The following RBFOX1 variants were observed in gnomAD, a reference collection of about 807,000 sequenced individuals.
The protein encoded by RBFOX1 is RNA binding protein fox-1 homolog 1.
A neutral mutation model predicts 57.7 loss-of-function variants in RBFOX1; 8 were observed. That is an observed-to-expected ratio of 0.14 (90% CI 0.08 to 0.25). The LOEUF is 0.25. Ranked by LOEUF, RBFOX1 falls within the 10% of genes least tolerant of loss-of-function variation. The pLI, the probability that RBFOX1 is intolerant of heterozygous loss-of-function variation, is 1.00. For missense variants in RBFOX1, 611 were observed against 548.5 expected (o/e 1.11, Z -1.14); for synonymous variants, 326 against 222.4 (o/e 1.47, Z -4.15).
intron 4 of RBFOX1, among the ~76,000 whole-genome samples, chr16:5,997,254 G>A (rs1437320411): frequency 6.6e-6 from 1 of 152,248 alleles, no homozygotes; most frequent in African/African-American, 2.4e-5. Context: ...AGAACAGAAT[G>A]AAGATGTTGG....
intron 2 of RBFOX1, among the ~76,000 whole-genome samples, chr16:5,554,867 G>T (rs1368581835): frequency 6.6e-6 from 1 of 152,150 alleles, no homozygotes; most frequent in African/African-American, 2.4e-5. Context: ...TGTCTCCAAT[G>T]TCACGGGCAG....
intron 3 of RBFOX1, among the ~76,000 whole-genome samples, chr16:5,855,291 C>T (rs2056996536): frequency 6.6e-6 from 1 of 152,160 alleles, no homozygotes; most frequent in Non-Finnish European, 1.5e-5. Flanking sequence ...TTAAAAAATT[C>T]ACTACGCAGA....
chr16:7,298,025 G>T (rs923522574), intron 4 of RBFOX1, among the ~76,000 whole-genome samples: 2 of 151,924 alleles, frequency 1.3e-5, no homozygotes, highest in Admixed American at 6.6e-5. Flanking sequence ...TGTTTGTTTT[G>T]GTTTGATTTT....
At chr16:6,806,233 G>C (rs920465654) in intron 3 of RBFOX1, among the ~76,000 whole-genome samples, 1 of 152,172 alleles carries the variant, frequency 6.6e-6, no homozygotes, top group Non-Finnish European at 1.5e-5. Flanking sequence ...TCTATAGCCA[G>C]TATTTGTTTT....
At chr16:6,741,714 T>G (rs2072201336) in intron 3 of RBFOX1, among the ~76,000 whole-genome samples, 1 of 151,970 alleles carries the variant, frequency 6.6e-6, no homozygotes, top group African/African-American at 2.4e-5. Flanking sequence ...ACAATCCTGT[T>G]AAGATATTGG....
chr16:5,591,016 A>G (rs955827710), intron 2 of RBFOX1, among the ~76,000 whole-genome samples: 1 of 141,058 alleles, frequency 7.1e-6, no homozygotes, highest in African/African-American at 2.6e-5. Context: ...TGAGCTAAAC[A>G]TTTTTTTTTT....
chr16:7,579,671 T>TTCTTCCC lies in RBFOX1; in HGVS notation c.271-105_271-104insCTTCCCT, dbSNP rs1225028740. ...GTCAGCATTTTCTTCCCTTCTCAGATTGCTTAGTTCTGATCTTTTCCTGCC... is the reference window on the plus strand; with the variant it reads ...GTCAGCATTTTCTTCCCTTCTCAGATTCTTCCCTGCTTAGTTCTGATCTTTTCCTGCC... On this transcript the variant is annotated intron_variant, in intron 5 of 15. Coordinates refer to ENST00000550418, the MANE Select transcript of RBFOX1 (RefSeq NM_018723.4). 5 of 1,371,318 alleles carry TTCTTCCC rather than the reference T, an allele frequency of 3.6e-6. No homozygotes were observed. In the African/African-American group the frequency reaches 7.3e-5, roughly 20 times the overall value. 84.9% of individuals were successfully genotyped at this position (1,371,318 alleles called of 1,614,324 possible).
At chr16:6,454,169 C>A (rs987170945) in intron 2 of RBFOX1, among the ~76,000 whole-genome samples, 1 of 152,188 alleles carries the variant, frequency 6.6e-6, no homozygotes, top group African/African-American at 2.4e-5. Context: ...GACCTTCTTT[C>A]CAAATACACA....
intron 2 of RBFOX1, among the ~76,000 whole-genome samples, chr16:6,555,849 G>A (rs908217412): frequency 5.3e-5 from 8 of 152,280 alleles, no homozygotes; most frequent in Non-Finnish European, 1.2e-4. Flanking sequence ...TGAAATGCAC[G>A]TGACTAGCAC....
At chr16:5,498,188 G>T (rs1271067309) in intron 2 of RBFOX1, among the ~76,000 whole-genome samples, 1 of 152,158 alleles carries the variant, frequency 6.6e-6, no homozygotes, top group Non-Finnish European at 1.5e-5. Flanking sequence ...TGTTGCCCAG[G>T]CTGGAGTGCA....
chr16:6,605,928 C>T (rs950992401), intron 2 of RBFOX1, among the ~76,000 whole-genome samples: 30 of 152,002 alleles, frequency 2.0e-4, no homozygotes, highest in African/African-American at 6.8e-4. Context: ...GGTGAAACCT[C>T]GTCTCTACTA....
In RBFOX1 at chr16:5,996,163, G is replaced by A. The variant is rs749246250; in HGVS notation, c.351+128828G>A. On this transcript the variant is annotated intron_variant, in intron 4 of 19. Coordinates refer to the RBFOX1 transcript ENST00000641259. Reference sequence around the variant, plus strand: ...GGATTTCACCATATTAATTTTGGGGGCACATAAACATTCAGACCATAACAG... The same window carrying A: ...GGATTTCACCATATTAATTTTGGGGACACATAAACATTCAGACCATAACAG... Among the ~76,000 whole-genome samples, 20 of 152,102 alleles carry A rather than the reference G, an allele frequency of 1.3e-4. 1 individual carries two copies. The highest frequency in any genetic ancestry group is 3.9e-4 in the Admixed American group (6 of 15,256).
chr16:5,352,147 G>C (rs2065275519), intron 1 of RBFOX1, among the ~76,000 whole-genome samples: 2 of 152,080 alleles, frequency 1.3e-5, no homozygotes, highest in Non-Finnish European at 2.9e-5. Flanking sequence ...AGTATGGTCT[G>C]TTTGATCTTT....
At chr16:6,975,139 G>T (rs934470119) in intron 3 of RBFOX1, among the ~76,000 whole-genome samples, 1 of 152,170 alleles carries the variant, frequency 6.6e-6, no homozygotes, top group African/African-American at 2.4e-5. Flanking sequence ...TTCACTCTGT[G>T]CAGATCCTGG....
chr16:7,473,185 C>G (rs2061912728), intron 4 of RBFOX1, among the ~76,000 whole-genome samples: 1 of 151,976 alleles, frequency 6.6e-6, no homozygotes, highest in Admixed American at 6.6e-5. Context: ...TTGAGACCAG[C>G]CTGGGAGCAT....
chr16:6,734,001 C>T (rs1351861565), intron 3 of RBFOX1, among the ~76,000 whole-genome samples: 4 of 152,138 alleles, frequency 2.6e-5, no homozygotes, highest in African/African-American at 9.7e-5. Flanking sequence ...AGTGTTCAGT[C>T]CCTGCCACAT....
chr16:7,025,592 C>G (rs771126749), intron 3 of RBFOX1, among the ~76,000 whole-genome samples: 1 of 152,114 alleles, frequency 6.6e-6, no homozygotes, highest in Admixed American at 6.5e-5. Context: ...TTGCATGCTT[C>G]TCAGCCTCAG....
At chr16:7,007,298 A>T (rs376479156) in intron 3 of RBFOX1, among the ~76,000 whole-genome samples, 1 of 152,162 alleles carries the variant, frequency 6.6e-6, no homozygotes, top group Non-Finnish European at 1.5e-5. Context: ...ATAGTCAGCA[A>T]TGGTACGAAT....
At chr16:6,087,657 CTT>C (rs199760935) in intron 1 of RBFOX1, among the ~76,000 whole-genome samples, 17 of 142,832 alleles carry the variant, frequency 1.2e-4, no homozygotes, top group Non-Finnish European at 9.2e-5. Context: ...ATTTATCTTA[CTT>C]TTTTTTTTTT....
Sources: gnomAD v4.1 joint callset for allele counts (sites outside exome capture counted in the v4.1 genomes callset) on GRCh38, gnomAD v4.1.1 for gene constraint, MANE v1.5 for transcripts, NCBI Gene and HGNC (gene_info 2026-07-23, HGNC 2026-07-21) for gene names.